KIF21B: variants seen among roughly 807,000 people sequenced by gnomAD.
KIF21B encodes the protein kinesin family member 21B, also known as kinesin-like protein KIF21B.
In KIF21B, 85 loss-of-function variants were observed where a neutral mutation model predicts 192.9. The ratio of observed to expected loss-of-function variants is 0.44; its 90% CI spans 0.37 to 0.53. The LOEUF is 0.53. Among genes scored for constraint, KIF21B ranks in the 20% least tolerant of loss-of-function variants. KIF21B has a pLI of 0.00. For synonymous variants in KIF21B, 832 were observed against 884.6 expected, an observed-to-expected ratio of 0.94 and a Z score of 1.05; for missense variants, 1,716 against 2,194.8, an observed-to-expected ratio of 0.78 and a Z score of 4.36.
chr1:201,001,021 C>T (rs549839699), intron 9 of KIF21B, among the ~76,000 whole-genome samples: 1 of 151,404 alleles, frequency 6.6e-6, no homozygotes, highest in African/African-American at 2.4e-5. Context: ...GCAGGAGAAT[C>T]GCTTGAACCT....
intron 29 of KIF21B, 120 bp downstream of exon 29, chr1:200,980,840 C>A: frequency 7.9e-7 from 1 of 1,264,466 alleles, no homozygotes; most frequent in Admixed American, 3.0e-5. Context: ...GCAAATAGAC[C>A]CCATATCCTC....
Position 200,985,017 on chromosome 1 carries a change from C to A in KIF21B, c.3690-45G>T, listed in dbSNP as rs112766685. ...GGCAGCCTGTTAGTGACCACCCCTG[C>A]CCACAGGCCCCTACTTGGTGCTGGG... On this transcript the variant is annotated intron_variant, in intron 26 of 34. Transcript: ENST00000461742. 5.9e-4 allele frequency: 815 copies of A among 1,378,966 alleles called. 1 individual carries two copies. In the African/African-American group the frequency reaches 0.01, roughly 17 times the overall value. 85.4% of individuals were successfully genotyped at this position (1,378,966 alleles called of 1,614,324 possible).
chr1:201,000,661 C>T lies in KIF21B; in HGVS notation c.1467-53G>A, dbSNP rs567613756. The T allele has an allele frequency of 9.3e-6, 15 of 1,613,218 alleles. No individual in the cohort carries two copies. The highest frequency in any genetic ancestry group is 1.1e-5 in the South Asian group (1 of 91,060). On this transcript the variant is annotated intron_variant, in intron 10 of 34. Coordinates refer to ENST00000461742, the MANE Select transcript of KIF21B (RefSeq NM_001252102.2). The surrounding 1 kb of genome is among the most constrained non-coding windows in gnomAD (Gnocchi z 6.0). ...CCGAGTGAGCTGCCACAGCCCTTGG[C>T]GTCACCTGGCCGAGGCCCCCAGCCC...
intron 27 of KIF21B, among the ~76,000 whole-genome samples, chr1:200,984,241 T>C (rs1221983631): frequency 1.3e-5 from 2 of 152,172 alleles, no homozygotes; most frequent in African/African-American, 4.8e-5. Flanking sequence ...TTTCCTCTTA[T>C]GTGAAATAGG....
chr1:200,998,646 C>T lies in KIF21B; in HGVS notation c.1886-71G>A. ...AAATTGGGGAGCAGATGTGCCAGTG[C>T]TGGGGAGCTGGGACCCTCCTTTGGT... On this transcript the variant is annotated intron_variant, in intron 13 of 34. Transcript: ENST00000461742. The surrounding 1 kb of genome is among the most constrained non-coding windows in gnomAD (Gnocchi z 4.3). 1 of 1,409,642 alleles carries T rather than the reference C, an allele frequency of 7.1e-7. No individual in the cohort carries two copies. Among genetic ancestry groups the T allele is most frequent in the Non-Finnish European group, 9.8e-7 (1 of 1,017,012 alleles). The allele number at this position is 1,409,642 out of a possible 1,614,324, so 87.3% of individuals were successfully genotyped here.
At chr1:201,003,446 G>C in intron 8 of KIF21B, 140 bp downstream of exon 8, 1 of 801,184 alleles carries the variant, frequency 1.2e-6, no homozygotes, top group African/African-American at 1.7e-5. Flanking sequence ...TGATGCTCAA[G>C]AGTCATGTCC....
chr1:200,978,513 G>A (rs1226406078), intron 30 of KIF21B, among the ~76,000 whole-genome samples: 1 of 150,624 alleles, frequency 6.6e-6, no homozygotes, highest in Non-Finnish European at 1.5e-5. Context: ...CCTGTGTTTC[G>A]ATTATGAACC....
rs772370507 is a variant in KIF21B at position 200,979,714 on chromosome 1, G to A, written c.3981C>T (p.Asp1327=). Residue 1327 remains aspartate (D), a splice_region_variant and synonymous_variant, in exon 30 of 35, where the codon GAC becomes GAT. Transcript: ENST00000461742. ...TDELLFTGSK[D]RSCKMWNLVT... is the part of the protein sequence containing the mutation. ...CCAAGTTCCACATCTTGCAGCTTCG[G>A]TCTGTGAGAGATGGGAGGAAGCCAC... 6.6e-7 allele frequency: 1 copy of A among 1,515,536 alleles called. No individual in the cohort carries two copies. The highest frequency in any genetic ancestry group is 1.3e-5 in the South Asian group (1 of 77,868). The allele number at this position is 1,515,536 out of a possible 1,614,324, so 93.9% of individuals were successfully genotyped here.
In KIF21B at chr1:200,984,913, C is replaced by A. The variant is rs766609365; in HGVS notation, c.3749G>T (p.Arg1250Leu). 1.2e-6 allele frequency: 2 copies of A among 1,606,810 alleles called. No individual in the cohort carries two copies. Among genetic ancestry groups the A allele is most frequent in the Non-Finnish European group, 1.7e-6 (2 of 1,177,342 alleles). ...ACTGGTGAGACGAGAGAAGACATTG[C>A]GGTCATTGCGGGGCCGAGTGGGAGG... ...SSPPTRPRNDRNVFSRLTSNQ... is the reference protein window; with the variant it reads ...SSPPTRPRNDLNVFSRLTSNQ... Residue 1250 changes from arginine to leucine, a missense_variant, in exon 27 of 35, where the codon CGC (arginine) becomes CTC (leucine). Transcript: ENST00000461742.
At chr1:200,988,435 CCA>C in intron 23 of KIF21B, 56 bp downstream of exon 23, 2 of 1,610,144 alleles carry the variant, frequency 1.2e-6, no homozygotes, top group South Asian at 2.2e-5. Flanking sequence ...GCAACTCCTC[CCA>C]CCAGCCCCAG....
Position 200,992,346 on chromosome 1 carries a change from C to T in KIF21B, c.2321G>A (p.Arg774Gln), listed in dbSNP as rs756418278. ...KQMREEQQRR[R>Q]LVETKRNREI... Reference sequence around the variant, plus strand: ...CCGGTTCCTCTTGGTCTCCACTAGCCGCCGCCGCTGTTGCTCCTCACGCAT... The same window carrying T: ...CCGGTTCCTCTTGGTCTCCACTAGCTGCCGCCGCTGTTGCTCCTCACGCAT... The change falls in exon 16 of 35, where the codon CGG becomes CAG. Residue 774 changes from arginine (R) to glutamine (Q), a missense_variant. Physicochemically the swap from Arg to Gln is conservative, Grantham distance 43. Around this residue, in one of 3 missense-constraint regions of KIF21B, gnomAD observed 1,087 missense variants for 1,316.6 expected, o/e 0.83. Coordinates refer to ENST00000461742, the MANE Select transcript of KIF21B (RefSeq NM_001252102.2). 22 of 1,612,898 alleles carry T rather than the reference C, an allele frequency of 1.4e-5. No homozygotes were observed. Among genetic ancestry groups the T allele is most frequent in the East Asian group, 1.1e-4 (5 of 44,896 alleles).
chr1:200,990,343 A>G lies in KIF21B; in HGVS notation c.2836-11T>C. On this transcript the variant is annotated splice_polypyrimidine_tract_variant and intron_variant, in intron 19 of 34. Coordinates refer to ENST00000461742, the MANE Select transcript of KIF21B (RefSeq NM_001252102.2). This position sits in a 1 kb window ranked among gnomAD's most constrained non-coding sequence, Gnocchi z 5.4. ...CAGCTCCTCCCTTTTCTGGGGTCAG[A>G]GGGGAGGGTGGTGATTGTGATGAAG... 1 of 1,596,870 alleles carries G rather than the reference A, an allele frequency of 6.3e-7. No homozygotes were observed. The highest frequency in any genetic ancestry group is 8.5e-7 in the Non-Finnish European group (1 of 1,172,248).
At chr1:200,994,420 C>T (rs1168915019) in intron 15 of KIF21B, among the ~76,000 whole-genome samples, 2 of 152,232 alleles carry the variant, frequency 1.3e-5, no homozygotes, top group Non-Finnish European at 2.9e-5. Flanking sequence ...CCTTCTGTCC[C>T]TCCAACAGAA....
intron 14 of KIF21B, among the ~76,000 whole-genome samples, chr1:200,997,259 C>G (rs1180399159): frequency 6.6e-6 from 1 of 152,206 alleles, no homozygotes; most frequent in Non-Finnish European, 1.5e-5. Context: ...TCCGACCTGT[C>G]CCCTCTCACT....
At chr1:200,989,819 G>T in intron 21 of KIF21B, 123 bp downstream of exon 21, 2 of 705,792 alleles carry the variant, frequency 2.8e-6, no homozygotes, top group Non-Finnish European at 4.8e-6. Flanking sequence ...AGGTTAGGCG[G>T]CTTGTCCTAG....
rs1658590377 is a variant in KIF21B, at chr1:201,017,773, A to G, written c.41+5570T>C. Among the ~76,000 whole-genome samples the G allele has an allele frequency of 6.6e-6, 1 of 152,208 alleles. No individual in the cohort carries two copies. On this transcript the variant is annotated intron_variant, in intron 1 of 34. Coordinates refer to ENST00000461742, the MANE Select transcript of KIF21B (RefSeq NM_001252102.2). The surrounding 1 kb of genome is among the most constrained non-coding windows in gnomAD (Gnocchi z 4.1). Reference sequence around the variant, plus strand: ...CTCAGGTGGGACCAGCCCAGCCTTCATAAAGGACAGGGGGCTTCACCTCAG... The same window carrying G: ...CTCAGGTGGGACCAGCCCAGCCTTCGTAAAGGACAGGGGGCTTCACCTCAG...
rs2297912 is a variant in KIF21B at position 200,988,563 on chromosome 1, G to A, written c.3299-19C>T. The A allele has an allele frequency of 3.6e-6, 3 of 829,966 alleles. No individual in the cohort carries two copies. The highest frequency in any genetic ancestry group is 2.9e-5 in the South Asian group (2 of 69,556). The allele number at this position is 829,966 out of a possible 1,614,324, so 51.4% of individuals were successfully genotyped here. On this transcript the variant is annotated intron_variant, in intron 22 of 34. Coordinates refer to ENST00000461742, the MANE Select transcript of KIF21B (RefSeq NM_001252102.2). Reference sequence around the variant, plus strand: ...CCATTCTCTGTGGGAGGGCGGGAGGGAGGGAAAGGGGTTGAGAAGCCCTGT... The same window carrying A: ...CCATTCTCTGTGGGAGGGCGGGAGGAAGGGAAAGGGGTTGAGAAGCCCTGT...
chr1:201,019,468 C>G (rs1340852930), intron 1 of KIF21B, among the ~76,000 whole-genome samples: 5 of 152,150 alleles, frequency 3.3e-5, no homozygotes, highest in African/African-American at 9.7e-5. Flanking sequence ...TGCATCAGTT[C>G]CTGCCCTGCC....
chr1:200,998,410 T>G lies in KIF21B; in HGVS notation c.2051A>C (p.Glu684Ala), dbSNP rs1486812123. 6.2e-7 allele frequency: 1 copy of G among 1,613,702 alleles called. No homozygotes were observed. Among genetic ancestry groups the G allele is most frequent in the Admixed American group, 1.7e-5 (1 of 60,006 alleles). Reference sequence around the variant, plus strand: ...GAGGTTCTGCAGCACACGGTCGCGCTCCAGCTGTGTGTCTCGGATCTTGTT... The same window carrying G: ...GAGGTTCTGCAGCACACGGTCGCGCGCCAGCTGTGTGTCTCGGATCTTGTT... ...LQNKIRDTQL[E>A]RDRVLQNLST... The change falls in exon 14 of 35, where the codon GAG (glutamate) becomes GCG (alanine). Residue 684 changes from glutamate (E) to alanine (A), a missense_variant. Around this residue, in one of 3 missense-constraint regions of KIF21B, gnomAD observed 1,087 missense variants for 1,316.6 expected, o/e 0.83. Coordinates refer to ENST00000461742, the MANE Select transcript of KIF21B (RefSeq NM_001252102.2). The surrounding 1 kb of genome is among the most constrained non-coding windows in gnomAD (Gnocchi z 4.3).
Sources: allele counts gnomAD v4.1 joint callset (sites outside exome capture counted in the v4.1 genomes callset), GRCh38; gene constraint gnomAD v4.1.1; regional missense constraint gnomAD v4.1.1; non-coding constraint Gnocchi (gnomAD v3.1); transcripts MANE v1.5; gene names NCBI Gene and HGNC (gene_info 2026-07-23, HGNC 2026-07-21).